INTS8: variants seen among roughly 807,000 people sequenced by gnomAD.
INTS8 encodes integrator complex subunit 8, also known as protein kaonashi-1.
INTS8 carries 47 observed loss-of-function variants against 138.9 expected under a neutral mutation model. That is an observed-to-expected ratio of 0.34 (90% CI 0.27 to 0.43). The LOEUF is 0.43. INTS8 is among the 20% of genes least tolerant of loss of function. The pLI is 1.00. For synonymous variants in INTS8, 392 were observed against 400.9 expected (o/e 0.98, Z 0.27); for missense variants, 996 against 1,173.0 (o/e 0.85, Z 2.20).
At chr8:94,841,632 A>G in intron 9 of INTS8, 41 bp downstream of exon 9, 1 of 1,003,128 alleles carries the variant, frequency 1.0e-6, no homozygotes, top group Non-Finnish European at 1.5e-6. Flanking sequence ...TTTGAATAAA[A>G]CAGCAAGTGC....
intron 9 of INTS8, among the ~76,000 whole-genome samples, chr8:94,841,896 C>T (rs544169799): frequency 5.9e-4 from 90 of 151,942 alleles, no homozygotes; most frequent in African/African-American, 2.1e-3. Flanking sequence ...GGTGAAACCC[C>T]GTCTCTACCA....
chr8:94,824,803 C>T (rs1211406072), intron 1 of INTS8, 90 bp from the exon 2 acceptor site: 1 of 94,430 alleles, frequency 1.1e-5, no homozygotes, highest in African/African-American at 4.2e-5. Flanking sequence ...CCCCACCCAC[C>T]CCCCCAAAAA....
In INTS8 at chr8:94,832,037, C is replaced by T. The variant is rs769864028; in HGVS notation, c.616C>T (p.Leu206=). Residue 206 remains leucine (L), a synonymous_variant, in exon 6 of 27, where the codon CTA becomes TTA. Transcript: ENST00000523731. ...TTCTATTTTGGTACTAGAAGCAGCC[C>T]TAAAATTAAACAAGGATCTTTATGT... ...ADSILVLEAA[L]KLNKDLYVHT... The T allele has an allele frequency of 1.2e-6, 2 of 1,612,196 alleles. No homozygotes were observed. Among genetic ancestry groups the T allele is most frequent in the Admixed American group, 3.4e-5 (2 of 59,622 alleles).
At position 94,881,730 on chromosome 8, in the gene INTS8, T is replaced by C. The variant is rs755345802; in HGVS notation, c.*1496T>C. On this transcript the variant is annotated 3_prime_UTR_variant, in exon 27 of 27. Transcript: ENST00000523731. ...TGTCCCCCTTTTCTGAAGGTGTTTA[T>C]GTAATTTACTTCCTCCTATACATGG... 10 of 1,613,800 alleles carry C rather than the reference T, an allele frequency of 6.2e-6. No individual in the cohort carries two copies. In the African/African-American group the frequency reaches 6.7e-5, roughly 11 times the overall value.
chr8:94,850,413 C>T lies in INTS8; in HGVS notation c.1507+322C>T, dbSNP rs1004363361. Among the ~76,000 whole-genome samples, 8 of 152,214 alleles carry T rather than the reference C, an allele frequency of 5.3e-5. No individual in the cohort carries two copies. In the East Asian group the frequency reaches 5.8e-4, roughly 11 times the overall value. ...GGATCACGAGGTCAGCAGATAGAGA[C>T]CATCCTGGCTAACACGGTGAAACCC... is the stretch of plus-strand genomic sequence containing the variant. On this transcript the variant is annotated intron_variant, in intron 12 of 26. Transcript: ENST00000523731.
At position 94,867,136 on chromosome 8, in the gene INTS8, A is replaced by G. The variant is rs754760895; in HGVS notation, c.2296-4A>G. ...TTAAGGATTCTGTGTTTTCTTTCTC[A>G]TAGGAACCACTCGTTTTGACTATTA... is the stretch of plus-strand genomic sequence containing the variant. On this transcript the variant is annotated splice_polypyrimidine_tract_variant and splice_region_variant and intron_variant, in intron 18 of 26. Transcript: ENST00000523731. 1.2e-6 allele frequency: 2 copies of G among 1,604,092 alleles called. No homozygotes were observed. The highest frequency in any genetic ancestry group is 2.7e-5 in the African/African-American group (2 of 74,724).
intron 12 of INTS8, 22 bp downstream of exon 12, chr8:94,850,113 C>A: frequency 6.5e-7 from 1 of 1,538,960 alleles, no homozygotes; most frequent in Non-Finnish European, 8.8e-7. Flanking sequence ...AGTCGGCCAG[C>A]CAAAATGTTG....
intron 2 of INTS8, among the ~76,000 whole-genome samples, chr8:94,826,112 T>G (rs1242257066): frequency 2.6e-5 from 4 of 152,240 alleles, no homozygotes; most frequent in Non-Finnish European, 5.9e-5. Flanking sequence ...TATTTTGAGT[T>G]GTATTCTTAG....
intron 6 of INTS8, among the ~76,000 whole-genome samples, chr8:94,833,173 T>C (rs2131000851): frequency 6.6e-6 from 1 of 152,236 alleles, no homozygotes; most frequent in South Asian, 2.1e-4. Context: ...CTTATTCGTA[T>C]GAGTTGGCAT....
chr8:94,834,564 C>T (rs1029561461), intron 6 of INTS8, among the ~76,000 whole-genome samples: 8 of 151,822 alleles, frequency 5.3e-5, no homozygotes, highest in Non-Finnish European at 7.4e-5. Context: ...AAAAATTAGG[C>T]GTTGTGGCAG....
chr8:94,863,953 C>T (rs956164783), intron 16 of INTS8, among the ~76,000 whole-genome samples: 5 of 152,058 alleles, frequency 3.3e-5, no homozygotes, highest in African/African-American at 1.2e-4. Flanking sequence ...TCACGAGCTT[C>T]GGAAAGCCAC....
chr8:94,833,656 G>A (rs1814809861), intron 6 of INTS8, among the ~76,000 whole-genome samples: 1 of 152,132 alleles, frequency 6.6e-6, no homozygotes, highest in African/African-American at 2.4e-5. Flanking sequence ...CAAAACTCCT[G>A]TAAAACATCT....
chr8:94,847,998 A>G (rs906008136), intron 10 of INTS8, among the ~76,000 whole-genome samples: 17 of 134,920 alleles, frequency 1.3e-4, no homozygotes, highest in African/African-American at 4.7e-4. Context: ...TGAACATAGC[A>G]CTTTTAAAAC....
In INTS8 at chr8:94,841,335, T is replaced by C. The variant is rs191696029; in HGVS notation, c.1018-156T>C. 3.3e-3 allele frequency among the ~76,000 whole-genome samples: 501 copies of C among 152,310 alleles called. 1 individual carries two copies. Among genetic ancestry groups the C allele is most frequent in the Non-Finnish European group, 5.5e-3 (374 of 68,016 alleles). Reference sequence around the variant, plus strand: ...GTAGCAGGGCTGTTTTTGCCCTTAATCAAATTTTAGAATTTTAGGAAGAAA... The same window carrying C: ...GTAGCAGGGCTGTTTTTGCCCTTAACCAAATTTTAGAATTTTAGGAAGAAA... On this transcript the variant is annotated intron_variant, in intron 8 of 26. Transcript: ENST00000523731.
In INTS8 at chr8:94,874,592, G is replaced by A; in HGVS notation, c.2678G>A (p.Cys893Tyr). Reference sequence around the variant, plus strand: ...ATAAAATGTTGTTCTTTGCTGAATTGCCACACACAGGTTAGTTTATAATAT... The same window carrying A: ...ATAAAATGTTGTTCTTTGCTGAATTACCACACACAGGTTAGTTTATAATAT... The part of the protein sequence containing the change: ...RMIKCCSLLN[C>Y]HTQVAILCQF... The change falls in exon 23 of 27, where the codon TGC becomes TAC. Residue 893 changes from cysteine to tyrosine, a missense_variant. Coordinates refer to ENST00000523731, the MANE Select transcript of INTS8 (RefSeq NM_017864.4). 1 of 1,571,582 alleles carries A rather than the reference G, an allele frequency of 6.4e-7. No individual in the cohort carries two copies. Among genetic ancestry groups the A allele is most frequent in the Non-Finnish European group, 8.8e-7 (1 of 1,142,106 alleles).
At chr8:94,855,190 A>G (rs1178973123) in intron 14 of INTS8, among the ~76,000 whole-genome samples, 1 of 152,210 alleles carries the variant, frequency 6.6e-6, no homozygotes, top group African/African-American at 2.4e-5. Flanking sequence ...GCTCTAGACC[A>G]TCATTGTCCA....
intron 5 of INTS8, among the ~76,000 whole-genome samples, chr8:94,830,040 C>T (rs1490040257): frequency 6.6e-6 from 1 of 152,128 alleles, no homozygotes; most frequent in Non-Finnish European, 1.5e-5. Flanking sequence ...GGATTACAGG[C>T]ACTTGCCACC....
intron 10 of INTS8, among the ~76,000 whole-genome samples, chr8:94,845,189 T>A (rs564154955): frequency 6.6e-6 from 1 of 152,286 alleles, no homozygotes; most frequent in African/African-American, 2.4e-5. Context: ...TCTATTATTA[T>A]CTTCTAAAAG....
chr8:94,878,107 A>C (rs1433105946), intron 26 of INTS8, among the ~76,000 whole-genome samples: 2 of 152,142 alleles, frequency 1.3e-5, no homozygotes, highest in Non-Finnish European at 2.9e-5. Flanking sequence ...GGAAAGCCCT[A>C]GCCCTGCATA....
Sources: gnomAD v4.1 joint callset for allele counts (sites outside exome capture counted in the v4.1 genomes callset) on GRCh38, gnomAD v4.1.1 for gene constraint, MANE v1.5 for transcripts, NCBI Gene and HGNC (gene_info 2026-07-23, HGNC 2026-07-21) for gene names.